The following MOGAT2 variants were observed in gnomAD, a reference collection of about 807,000 sequenced individuals.
MOGAT2 encodes the protein monoacylglycerol O-acyltransferase 2.
MOGAT2 carries 27 observed loss-of-function variants against 31.5 expected under a neutral mutation model. The ratio of observed to expected loss-of-function variants is 0.86; its 90% CI spans 0.63 to 1.18. The LOEUF (loss-of-function observed/expected upper bound fraction) is 1.18, where lower values mean the gene tolerates loss of function less well. Among genes scored for constraint, MOGAT2 ranks in the 50% most tolerant of loss-of-function variants. The pLI is 0.00. For missense variants in MOGAT2, 436 were observed against 433.2 expected, an observed-to-expected ratio of 1.01 and a Z score of -0.06; for synonymous variants, 163 against 170.0, an observed-to-expected ratio of 0.96 and a Z score of 0.32.
In MOGAT2 at chr11:75,732,124, G is replaced by C. The variant is rs1196344271; in HGVS notation, c.*838G>C. 3 of 152,294 alleles carry C rather than the reference G, an allele frequency of 2.0e-5. No homozygotes were observed. Among genetic ancestry groups the C allele is most frequent in the Non-Finnish European group, 4.4e-5 (3 of 68,124 alleles). The allele number at this position is 152,294 out of a possible 1,614,324, so 9.4% of individuals were successfully genotyped here. A position where few individuals can be genotyped will look rare whatever the true frequency, so the allele number is the denominator to read the frequency against. ...GGAACCAGAGGATAATTTGAGGAGG[G>C]TTTAAAAAGGAACCATTTTTTGAGG... is the stretch of plus-strand genomic sequence containing the variant. On this transcript the variant is annotated 3_prime_UTR_variant, in exon 6 of 6. Coordinates refer to ENST00000198801, the MANE Select transcript of MOGAT2 (RefSeq NM_025098.4).
chr11:75,722,460 C>T (rs1445488358), intron 2 of MOGAT2, among the ~76,000 whole-genome samples: 1 of 152,228 alleles, frequency 6.6e-6, no homozygotes, highest in Non-Finnish European at 1.5e-5. Flanking sequence ...TCTCACTTCC[C>T]ACTCTTGAGC....
chr11:75,724,600 T>C (rs948974343), intron 2 of MOGAT2, among the ~76,000 whole-genome samples: 1 of 151,640 alleles, frequency 6.6e-6, no homozygotes, highest in African/African-American at 2.4e-5. Context: ...AGGCAGAGGT[T>C]GCAGTGAGCT....
Position 75,732,460 on chromosome 11 carries a change from A to G in MOGAT2, c.*1174A>G, listed in dbSNP as rs1944490767. On this transcript the variant is annotated 3_prime_UTR_variant, in exon 6 of 6. Coordinates refer to ENST00000198801, the MANE Select transcript of MOGAT2 (RefSeq NM_025098.4). ...AGGCAGAGTGGATCTGGAGGGGTCA[A>G]CGGAAGACGGAACATGTCCACTTCC... is the stretch of plus-strand genomic sequence containing the variant. The G allele has an allele frequency of 6.6e-6, 1 of 152,212 alleles. No homozygotes were observed. Among genetic ancestry groups the G allele is most frequent in the Non-Finnish European group, 1.5e-5 (1 of 68,060 alleles). 9.4% of individuals were successfully genotyped at this position (152,212 alleles called of 1,614,324 possible). A position where few individuals can be genotyped will look rare whatever the true frequency, so the allele number is the denominator to read the frequency against.
rs1453536976 is a variant in MOGAT2 at position 75,728,958 on chromosome 11, A to G, written c.819A>G (p.Leu273=). Residue 273 remains leucine (L), a synonymous_variant, in exon 5 of 6, where the codon TTA becomes TTG. Coordinates refer to ENST00000198801, the MANE Select transcript of MOGAT2 (RefSeq NM_025098.4). ...GRGVFQYSFG[L]IPYRRPITTV... ...GTGTCTTCCAGTACAGCTTTGGTTT[A>G]ATACCCTACCGCCGGCCCATCACCA... The G allele has an allele frequency of 6.2e-7, 1 of 1,614,002 alleles. No individual in the cohort carries two copies. The highest frequency in any genetic ancestry group is 8.5e-7 in the Non-Finnish European group (1 of 1,180,024).
Position 75,728,849 on chromosome 11 carries a change from A to G in MOGAT2, c.710A>G (p.Asn237Ser), listed in dbSNP as rs141331999. 1.5e-3 allele frequency: 2,501 copies of G among 1,613,738 alleles called. 5 individuals carry two copies. Among genetic ancestry groups the G allele is most frequent in the Non-Finnish European group, 1.9e-3 (2,258 of 1,179,900 alleles). Residue 237 changes from asparagine (N) to serine (S), a missense_variant, in exon 5 of 6, where the codon AAC (asparagine) becomes AGC (serine). Physicochemically the swap from Asn to Ser is conservative, Grantham distance 46 (BLOSUM62 1). Transcript: ENST00000198801. ...GENDLFDQIP[N>S]SSGSWLRYIQ... is the part of the protein sequence containing the mutation. ...AATGACCTATTTGACCAGATTCCCA[A>G]CTCTTCTGGCTCCTGGTTACGCTAT...
chr11:75,729,752 T>TC (rs397785407), intron 5 of MOGAT2, among the ~76,000 whole-genome samples: 1 of 133,158 alleles, frequency 7.5e-6, no homozygotes, highest in Non-Finnish European at 1.5e-5. Context: ...TTTTTTTTTT[T>TC]GTTTTTTTTT....
In MOGAT2 at chr11:75,719,777, C is replaced by T. The variant is rs79097654; in HGVS notation, c.92-215C>T. On this transcript the variant is annotated intron_variant, in intron 1 of 5. Transcript: ENST00000198801. ...TGGAGTTAGGCCTACCTAGGCTCAA[C>T]GCGTGCTCCCAGTGACACTGGGCTG... 7.5e-3 allele frequency: 4,131 copies of T among 549,504 alleles called. 109 individuals carry two copies. Among genetic ancestry groups the T allele is most frequent in the African/African-American group, 0.066 (3,498 of 53,280 alleles). The allele number at this position is 549,504 out of a possible 1,614,324, so 34.0% of individuals were successfully genotyped here. A position where few individuals can be genotyped will look rare whatever the true frequency, so the allele number is the denominator to read the frequency against.
intron 2 of MOGAT2, among the ~76,000 whole-genome samples, chr11:75,721,611 T>C (rs1944377387): frequency 6.6e-6 from 1 of 151,982 alleles, no homozygotes. Context: ...AGTAAACAGG[T>C]AGCTAGTATT....
intron 2 of MOGAT2, among the ~76,000 whole-genome samples, chr11:75,724,164 C>A (rs1398825291): frequency 6.6e-6 from 1 of 152,188 alleles, no homozygotes; most frequent in Non-Finnish European, 1.5e-5. Context: ...GGTGACATGC[C>A]AGGATAGGAT....
rs150080381 is a variant in MOGAT2, at chr11:75,731,159, C to T, written c.878C>T (p.Thr293Met). 6.6e-5 allele frequency: 106 copies of T among 1,614,016 alleles called. No individual in the cohort carries two copies. Among genetic ancestry groups the T allele is most frequent in the African/African-American group, 8.0e-5 (6 of 74,982 alleles). The change falls in exon 6 of 6, where the codon ACG becomes ATG. Residue 293 changes from threonine (T) to methionine (M), a missense_variant. By Grantham distance (81) the Thr-to-Met change is moderately conservative. Coordinates refer to ENST00000198801, the MANE Select transcript of MOGAT2 (RefSeq NM_025098.4). Reference protein sequence around the residue: ...VVGKPIEVQKTLHPSEEEVNQ... With the variant: ...VVGKPIEVQKMLHPSEEEVNQ... Reference sequence around the variant, plus strand: ...GGGAAGCCCATCGAGGTACAGAAGACGCTGCATCCCTCGGAGGAGGAGGTG... The same window carrying T: ...GGGAAGCCCATCGAGGTACAGAAGATGCTGCATCCCTCGGAGGAGGAGGTG...
Position 75,720,030 on chromosome 11 carries a change from A to T in MOGAT2, c.130A>T (p.Thr44Ser), listed in dbSNP as rs752843531. The change falls in exon 2 of 6, where the codon ACA (threonine) becomes TCA (serine). Residue 44 changes from threonine (T) to serine (S), a missense_variant. Thr to Ser is a moderately conservative substitution (Grantham distance 58). Coordinates refer to ENST00000198801, the MANE Select transcript of MOGAT2 (RefSeq NM_025098.4). ...CTVGFIALLFTRFWLLTVLYA... is the reference protein window; with the variant it reads ...CTVGFIALLFSRFWLLTVLYA... Reference sequence around the variant, plus strand: ...TGTGGGCTTCATAGCCCTCCTGTTTACAAGATTCTGGCTCCTCACTGTCCT... The same window carrying T: ...TGTGGGCTTCATAGCCCTCCTGTTTTCAAGATTCTGGCTCCTCACTGTCCT... 5.0e-6 allele frequency: 8 copies of T among 1,613,924 alleles called. No individual in the cohort carries two copies. Among genetic ancestry groups the T allele is most frequent in the African/African-American group, 1.3e-5 (1 of 74,890 alleles).
In MOGAT2 at chr11:75,731,300, G is replaced by A; in HGVS notation, c.*14G>A. 1 of 1,612,896 alleles carries A rather than the reference G, an allele frequency of 6.2e-7. No individual in the cohort carries two copies. Among genetic ancestry groups the A allele is most frequent in the Non-Finnish European group, 8.5e-7 (1 of 1,179,394 alleles). ...GAGTTCTGCTGAGCCCAAAGGGCAG[G>A]GCCAACATTAGGGAGCCCAGCAGGA... On this transcript the variant is annotated 3_prime_UTR_variant, in exon 6 of 6. Coordinates refer to ENST00000198801, the MANE Select transcript of MOGAT2 (RefSeq NM_025098.4).
At chr11:75,728,641 G>A (rs1944444146) in intron 4 of MOGAT2, 149 bp from the exon 5 acceptor site, 1 of 669,486 alleles carries the variant, frequency 1.5e-6, no homozygotes. Context: ...GAAGGTCTGG[G>A]AGATAACCCA....
intron 5 of MOGAT2, among the ~76,000 whole-genome samples, chr11:75,730,057 T>C (rs966499967): frequency 2.0e-5 from 3 of 152,220 alleles, no homozygotes; most frequent in Admixed American, 2.0e-4. Flanking sequence ...CGACAGACTT[T>C]ATAGAGAGTA....
chr11:75,726,045 G>A (rs1038634502), intron 2 of MOGAT2, among the ~76,000 whole-genome samples: 1 of 152,224 alleles, frequency 6.6e-6, no homozygotes, highest in African/African-American at 2.4e-5. Context: ...GCCAGGAGCA[G>A]CATTTGTTAA....
chr11:75,720,159 T>G lies in MOGAT2; in HGVS notation c.259T>G (p.Phe87Val). The part of the protein sequence containing the change: ...WTIWKYMKDY[F>V]PISLVKTAEL... ...TATATGGAAGTACATGAAGGACTAT[T>G]TCCCCATCTCGGTGAGTATTGAGGC... Residue 87 changes from phenylalanine (F) to valine (V), a missense_variant, in exon 2 of 6, where the codon TTC (phenylalanine) becomes GTC (valine). Transcript: ENST00000198801. 1 of 1,613,110 alleles carries G rather than the reference T, an allele frequency of 6.2e-7. No homozygotes were observed.
In MOGAT2 at chr11:75,731,905, T is replaced by A. The variant is rs1052199629; in HGVS notation, c.*619T>A. On this transcript the variant is annotated 3_prime_UTR_variant, in exon 6 of 6. Transcript: ENST00000198801. ...GTACCACCACTGTGTGTCCCGAGGA[T>A]CCCAGCTCAGCTTTGCATCGCTGCC... is the stretch of plus-strand genomic sequence containing the variant. 6.6e-6 allele frequency: 1 copy of A among 152,402 alleles called. No homozygotes were observed. Among genetic ancestry groups the A allele is most frequent in the Non-Finnish European group, 1.5e-5 (1 of 68,244 alleles). 9.4% of individuals were successfully genotyped at this position (152,402 alleles called of 1,614,324 possible).
In MOGAT2 at chr11:75,727,526, T is replaced by C. The variant is rs1944431750; in HGVS notation, c.362T>C (p.Leu121Pro). 1 of 1,614,206 alleles carries C rather than the reference T, an allele frequency of 6.2e-7. No homozygotes were observed. The highest frequency in any genetic ancestry group is 8.5e-7 in the Non-Finnish European group (1 of 1,180,026). The change falls in exon 3 of 6, where the codon CTG (leucine) becomes CCG (proline). Residue 121 changes from leucine to proline, a missense_variant. Transcript: ENST00000198801. ...CTGGCAGTCGGAGCCTTTGCCAACC[T>C]GTGCACTGAGAGCACAGGCTTCTCT... ...GVLAVGAFAN[L>P]CTESTGFSSI... is the part of the protein sequence containing the mutation.
In MOGAT2 at chr11:75,731,315, G is replaced by A; in HGVS notation, c.*29G>A. 6.2e-7 allele frequency: 1 copy of A among 1,609,796 alleles called. No homozygotes were observed. The highest frequency in any genetic ancestry group is 1.1e-5 in the South Asian group (1 of 90,690). ...CAAAGGGCAGGGCCAACATTAGGGA[G>A]CCCAGCAGGAGGTGCTGTGCTGAGA... On this transcript the variant is annotated 3_prime_UTR_variant, in exon 6 of 6. Coordinates refer to ENST00000198801, the MANE Select transcript of MOGAT2 (RefSeq NM_025098.4).
Sources: allele counts gnomAD v4.1 joint callset (sites outside exome capture counted in the v4.1 genomes callset), GRCh38; gene constraint gnomAD v4.1.1; transcripts MANE v1.5; gene names NCBI Gene and HGNC (gene_info 2026-07-23, HGNC 2026-07-21).